The following CORIN variants were observed in gnomAD, a reference collection of about 807,000 sequenced individuals.
CORIN encodes the protein atrial natriuretic peptide-converting enzyme.
Under a neutral mutation model 125.3 loss-of-function variants are expected in CORIN, and 117 were observed. That is an observed-to-expected ratio of 0.93 (90% confidence interval 0.80 to 1.09). CORIN has a LOEUF of 1.09. Ranked by LOEUF, CORIN falls within the 50% of genes least tolerant of loss-of-function variation. CORIN has a pLI of 0.00. For synonymous variants in CORIN, 450 were observed against 466.4 expected (o/e 0.96, Z 0.45); for missense variants, 1,253 against 1,306.7 (o/e 0.96, Z 0.63).
intron 16 of CORIN, among the ~76,000 whole-genome samples, chr4:47,633,675 AT>A (rs1421916878): frequency 2.0e-5 from 3 of 152,286 alleles, no homozygotes; most frequent in African/African-American, 7.2e-5. Flanking sequence ...GCAACATTTT[AT>A]TGACAATTTA....
chr4:47,726,328 A>C (rs2109806012), intron 5 of CORIN, among the ~76,000 whole-genome samples: 1 of 152,246 alleles, frequency 6.6e-6, no homozygotes, highest in Middle Eastern at 3.4e-3. Flanking sequence ...TGAGCAAATA[A>C]ACAAATTGAG....
chr4:47,672,230 C>T (rs569342030), intron 10 of CORIN, among the ~76,000 whole-genome samples: 2 of 152,180 alleles, frequency 1.3e-5, no homozygotes, highest in Non-Finnish European at 2.9e-5. Flanking sequence ...ATCATGTACA[C>T]ACTACAAATA....
At chr4:47,627,889 G>C (rs1722643911) in intron 16 of CORIN, among the ~76,000 whole-genome samples, 1 of 152,156 alleles carries the variant, frequency 6.6e-6, no homozygotes, top group Admixed American at 6.5e-5. Flanking sequence ...AGTGCAATTA[G>C]GAGAGAGTGT....
At chr4:47,784,233 G>A (rs182225990) in intron 3 of CORIN, among the ~76,000 whole-genome samples, 14 of 152,256 alleles carry the variant, frequency 9.2e-5, no homozygotes, top group African/African-American at 2.9e-4. Context: ...GAAATGTATG[G>A]AAAGCTATCC....
chr4:47,782,062 G>A (rs1577918192), intron 3 of CORIN, among the ~76,000 whole-genome samples: 1 of 152,034 alleles, frequency 6.6e-6, no homozygotes, highest in South Asian at 2.1e-4. Context: ...ATGACAGACC[G>A]TCAAAATGTC....
chr4:47,649,997 A>T (rs1475384684), intron 13 of CORIN, among the ~76,000 whole-genome samples: 1 of 152,214 alleles, frequency 6.6e-6, no homozygotes, highest in Non-Finnish European at 1.5e-5. Context: ...CTTCTGTGAG[A>T]TAACTCATAG....
intron 5 of CORIN, among the ~76,000 whole-genome samples, chr4:47,720,581 A>G (rs1727297855): frequency 6.6e-6 from 1 of 152,162 alleles, no homozygotes. Flanking sequence ...ATATGCAATC[A>G]TGTGCTATTT....
chr4:47,800,027 A>G lies in CORIN; in HGVS notation c.208+6876T>C, dbSNP rs116494966. ...CCACATATGGTCATACAGAATGTCT[A>G]GAATAGGTACATCTACAGTGAAAGA... On this transcript the variant is annotated intron_variant, in intron 2 of 21. Coordinates refer to ENST00000273857, the MANE Select transcript of CORIN (RefSeq NM_006587.4). Among the ~76,000 whole-genome samples the G allele has an allele frequency of 7.5e-3, 1,139 of 152,320 alleles. 13 individuals carry two copies. Among genetic ancestry groups the G allele is most frequent in the African/African-American group, 0.026 (1,076 of 41,574 alleles).
chr4:47,749,761 A>G (rs1434098695), intron 4 of CORIN, among the ~76,000 whole-genome samples: 1 of 152,196 alleles, frequency 6.6e-6, no homozygotes, highest in Non-Finnish European at 1.5e-5. Context: ...GACTCACACA[A>G]TCATCTTTTT....
intron 2 of CORIN, among the ~76,000 whole-genome samples, chr4:47,805,421 C>T (rs1387179723): frequency 6.6e-6 from 1 of 152,078 alleles, no homozygotes; most frequent in Non-Finnish European, 1.5e-5. Context: ...TCCCTCACAC[C>T]AAAATCCAAT....
At chr4:47,645,383 G>C in intron 13 of CORIN, among the ~76,000 whole-genome samples, 189 bp from the exon 14 acceptor site, 1 of 148,230 alleles carries the variant, frequency 6.7e-6, no homozygotes, top group South Asian at 2.2e-4. Context: ...CCCGGGAGGC[G>C]GAGGTTGCAG....
At chr4:47,654,158 T>C (rs1205763916) in intron 12 of CORIN, among the ~76,000 whole-genome samples, 2 of 152,200 alleles carry the variant, frequency 1.3e-5, no homozygotes, top group Non-Finnish European at 2.9e-5. Flanking sequence ...CCATACATAA[T>C]GGGCTCTGTG....
At chr4:47,626,217 AT>A (rs1722557104) in intron 17 of CORIN, among the ~76,000 whole-genome samples, 187 bp downstream of exon 17, 2 of 152,212 alleles carry the variant, frequency 1.3e-5, no homozygotes, top group Admixed American at 1.3e-4. Flanking sequence ...GAGAAAAAAA[AT>A]CTATGTCTAG....
At chr4:47,621,700 C>T (rs933210139) in intron 19 of CORIN, among the ~76,000 whole-genome samples, 3 of 151,888 alleles carry the variant, frequency 2.0e-5, no homozygotes, top group Non-Finnish European at 4.4e-5. Flanking sequence ...TTTGGCTGGG[C>T]CACAGCACCC....
chr4:47,757,878 G>GTATGTATATATATATATATA (rs1553916061), intron 4 of CORIN, among the ~76,000 whole-genome samples: 7 of 123,914 alleles, frequency 5.6e-5, no homozygotes, highest in African/African-American at 2.3e-4. Flanking sequence ...ATATATATAT[G>GTATGTATATATATATATATA]TATATATATA....
intron 14 of CORIN, among the ~76,000 whole-genome samples, chr4:47,643,625 A>AATC (rs1214130143): frequency 6.6e-6 from 1 of 152,186 alleles, no homozygotes; most frequent in Admixed American, 6.5e-5. Context: ...GATAGAAAAC[A>AATC]ATCTCTGTCC....
intron 10 of CORIN, among the ~76,000 whole-genome samples, chr4:47,669,238 T>C (rs1398935855): frequency 6.6e-6 from 1 of 152,178 alleles, no homozygotes; most frequent in Non-Finnish European, 1.5e-5. Context: ...AAAGATGGGA[T>C]CGTTAACTCA....
chr4:47,788,467 A>G (rs73150680), intron 2 of CORIN, among the ~76,000 whole-genome samples: 1,847 of 152,238 alleles, frequency 0.012, 50 homozygotes, highest in African/African-American at 0.042. Flanking sequence ...TCTCCAAACC[A>G]TCTGTGTGAT....
rs149190386 is a variant in CORIN, at chr4:47,837,946, T to G, written c.4A>C (p.Lys2Gln). The G allele has an allele frequency of 6.2e-7, 1 of 1,612,954 alleles. No individual in the cohort carries two copies. Among genetic ancestry groups the G allele is most frequent in the South Asian group, 1.1e-5 (1 of 91,086 alleles). The change falls in exon 1 of 22, where the codon AAA (lysine) becomes CAA (glutamine). Residue 2 changes from lysine (K) to glutamine (Q), a missense_variant. Physicochemically the swap from Lys to Gln is moderately conservative, Grantham distance 53 (BLOSUM62 1). Coordinates refer to ENST00000273857, the MANE Select transcript of CORIN (RefSeq NM_006587.4). MKQSPALAPEER... is the reference protein window; with the variant it reads MQQSPALAPEER... ...TCCGGAGCGAGGGCAGGAGACTGTT[T>G]CATGGATAAAAAGTCTCGCTTATTC... is the stretch of plus-strand genomic sequence containing the variant.
Sources: gnomAD v4.1 joint callset for allele counts (sites outside exome capture counted in the v4.1 genomes callset) on GRCh38, gnomAD v4.1.1 for gene constraint, MANE v1.5 for transcripts, NCBI Gene and HGNC (gene_info 2026-07-23, HGNC 2026-07-21) for gene names.